Variants in ARPP19 observed in about 807,000 individuals in gnomAD.
ARPP19 encodes the protein cAMP-regulated phosphoprotein 19.
In ARPP19, 8 loss-of-function variants were observed where a neutral mutation model predicts 12.0. That is an observed-to-expected ratio of 0.67 (90% confidence interval 0.39 to 1.21). The LOEUF (loss-of-function observed/expected upper bound fraction) is 1.21, where lower values mean the gene tolerates loss of function less well. ARPP19 is among the 50% of genes most tolerant of loss of function. The pLI, the probability that ARPP19 is intolerant of heterozygous loss-of-function variation, is 0.01. For missense variants in ARPP19, 102 were observed against 136.3 expected, an observed-to-expected ratio of 0.75 and a Z score of 1.25; for synonymous variants, 47 against 50.4, an observed-to-expected ratio of 0.93 and a Z score of 0.29.
In ARPP19 at chr15:52,568,958, C is replaced by T; in HGVS notation, c.-66G>A. On this transcript the variant is annotated 5_prime_UTR_variant, in exon 1 of 3. Transcript: ENST00000249822. ...TTAGCGGGTGGCCGAGGCCACCCGG[C>T]CGCCGCCCGTCCCAGCTCTCCCAGG... The T allele has an allele frequency of 5.1e-6, 6 of 1,186,684 alleles. No homozygotes were observed. The highest frequency in any genetic ancestry group is 2.4e-5 in the Admixed American group (1 of 41,624). The allele number at this position is 1,186,684 out of a possible 1,614,324, so 73.5% of individuals were successfully genotyped here. A position where few individuals can be genotyped will look rare whatever the true frequency, so the allele number is the denominator to read the frequency against.
intron 1 of ARPP19, among the ~76,000 whole-genome samples, chr15:52,566,027 G>A (rs2078078588): frequency 6.6e-6 from 1 of 152,002 alleles, no homozygotes; most frequent in South Asian, 2.1e-4. Context: ...GATAATTTTT[G>A]TATTTTTTAG....
In ARPP19 at chr15:52,551,712, T is replaced by TA; in HGVS notation, c.*221dup. The TA allele has an allele frequency of 2.1e-6, 1 of 471,144 alleles. No individual in the cohort carries two copies. The highest frequency in any genetic ancestry group is 3.7e-6 in the Non-Finnish European group (1 of 266,842). 29.2% of individuals were successfully genotyped at this position (471,144 alleles called of 1,614,324 possible). On this transcript the variant is annotated 3_prime_UTR_variant, in exon 3 of 3. Coordinates refer to ENST00000249822, the MANE Select transcript of ARPP19 (RefSeq NM_006628.6). ...GGTAATATATACAACTATTTTCAAG[T>TA]AGTTTACTTATGTTGCTCTAACATG...
At position 52,550,930 on chromosome 15, in the gene ARPP19, C is replaced by A. The variant is rs2077924353; in HGVS notation, c.*1004G>T. The A allele has an allele frequency of 6.6e-6, 1 of 152,616 alleles. No individual in the cohort carries two copies. Among genetic ancestry groups the A allele is most frequent in the Admixed American group, 6.5e-5 (1 of 15,282 alleles). The allele number at this position is 152,616 out of a possible 1,614,324, so 9.5% of individuals were successfully genotyped here. Reference sequence around the variant, plus strand: ...TCAAAATGAAAGGTTCTGCATAGGACAAAAGATATGCCTAAGCAACATATC... The same window carrying A: ...TCAAAATGAAAGGTTCTGCATAGGAAAAAAGATATGCCTAAGCAACATATC... On this transcript the variant is annotated 3_prime_UTR_variant, in exon 3 of 3. Coordinates refer to ENST00000249822, the MANE Select transcript of ARPP19 (RefSeq NM_006628.6).
At chr15:52,558,435 C>T (rs2078001621) in intron 1 of ARPP19, among the ~76,000 whole-genome samples, 1 of 149,406 alleles carries the variant, frequency 6.7e-6, no homozygotes, top group Non-Finnish European at 1.5e-5. Flanking sequence ...GGGTGCATAC[C>T]CAGGTCTAGC....
At chr15:52,556,654 G>A (rs1010365005) in intron 2 of ARPP19, among the ~76,000 whole-genome samples, 24 of 152,098 alleles carry the variant, frequency 1.6e-4, no homozygotes, top group African/African-American at 5.1e-4. Context: ...AAAAAATATG[G>A]AAGTTTCAAA....
intron 1 of ARPP19, among the ~76,000 whole-genome samples, chr15:52,565,603 T>G (rs1473642406): frequency 6.6e-6 from 1 of 152,202 alleles, no homozygotes; most frequent in Non-Finnish European, 1.5e-5. Flanking sequence ...GAGAAAAGAA[T>G]GGAGCTGAAC....
At chr15:52,562,121 T>G (rs921745587) in intron 1 of ARPP19, among the ~76,000 whole-genome samples, 1 of 151,990 alleles carries the variant, frequency 6.6e-6, no homozygotes, top group Non-Finnish European at 1.5e-5. Context: ...GACAGAACTA[T>G]AGGGAGCAAC....
intron 1 of ARPP19, chr15:52,557,781 T>C (rs1482409935): frequency 1.3e-5 from 2 of 152,114 alleles, no homozygotes; most frequent in African/African-American, 4.8e-5. Flanking sequence ...GGTCTTGCTA[T>C]ATTGCCTAGG....
At position 52,547,422 on chromosome 15, in the gene ARPP19, T is replaced by C. The variant is rs538800379; in HGVS notation, c.*4512A>G. 19 of 152,330 alleles carry C rather than the reference T, an allele frequency of 1.2e-4. No homozygotes were observed. The highest frequency in any genetic ancestry group is 4.1e-4 in the African/African-American group (17 of 41,566). The allele number at this position is 152,330 out of a possible 1,614,324, so 9.4% of individuals were successfully genotyped here. ...TTTCAGTACAGGCGAAGTGTTCTAT[T>C]GCATCACAAGTGCTAGTGATGCAGT... On this transcript the variant is annotated 3_prime_UTR_variant, in exon 3 of 3. Transcript: ENST00000249822.
rs2077923763 is a variant in ARPP19 at position 52,550,867 on chromosome 15, G to C, written c.*1067C>G. On this transcript the variant is annotated 3_prime_UTR_variant, in exon 3 of 3. Coordinates refer to ENST00000249822, the MANE Select transcript of ARPP19 (RefSeq NM_006628.6). Reference sequence around the variant, plus strand: ...AGTAAAAAGTTTCTACATTTAAAAAGTTTATATAAATTACATGAATTGCAA... The same window carrying C: ...AGTAAAAAGTTTCTACATTTAAAAACTTTATATAAATTACATGAATTGCAA... The C allele has an allele frequency of 6.6e-6, 1 of 152,616 alleles. No individual in the cohort carries two copies. The highest frequency in any genetic ancestry group is 6.5e-5 in the Admixed American group (1 of 15,272). 9.5% of individuals were successfully genotyped at this position (152,616 alleles called of 1,614,324 possible). A position where few individuals can be genotyped will look rare whatever the true frequency, so the allele number is the denominator to read the frequency against.
upstream of ARPP19, chr15:52,569,226 G>A (rs917506050): frequency 4.2e-5 from 15 of 355,616 alleles, no homozygotes; most frequent in Admixed American, 5.6e-4. Context: ...TGCTTCCTGG[G>A]AATTGTAGTT....
At chr15:52,569,088 G>C (rs1033243071), upstream of ARPP19, 4 of 561,130 alleles carry the variant, frequency 7.1e-6, no homozygotes, top group African/African-American at 8.1e-5. Flanking sequence ...GAGCCCGCCT[G>C]CCCCTCCCGC....
At chr15:52,554,175 T>C (rs548886283) in intron 2 of ARPP19, among the ~76,000 whole-genome samples, 108 of 152,250 alleles carry the variant, frequency 7.1e-4, no homozygotes, top group African/African-American at 2.5e-3. Flanking sequence ...AGGCAGATTT[T>C]CCCCCTATGT....
At chr15:52,561,415 TAAC>T (rs770058092) in intron 1 of ARPP19, among the ~76,000 whole-genome samples, 26 of 152,328 alleles carry the variant, frequency 1.7e-4, no homozygotes, top group Non-Finnish European at 2.8e-4. Flanking sequence ...CATATACTGA[TAAC>T]AAGTCAATAT....
In ARPP19 at chr15:52,549,301, CAA is replaced by C. The variant is rs1007713585; in HGVS notation, c.*2631_*2632del. The stretch of plus-strand genomic sequence containing the variant: ...AAGCTCACTAGTCAAAATCTTGATT[CAA>C]GTGATGATCCAATAGCTTACAAATG... On this transcript the variant is annotated 3_prime_UTR_variant, in exon 3 of 3. Coordinates refer to ENST00000249822, the MANE Select transcript of ARPP19 (RefSeq NM_006628.6). 1 of 152,032 alleles carries C rather than the reference CAA, an allele frequency of 6.6e-6. No individual in the cohort carries two copies. Among genetic ancestry groups the C allele is most frequent in the Non-Finnish European group, 1.5e-5 (1 of 67,956 alleles). The allele number at this position is 152,032 out of a possible 1,614,324, so 9.4% of individuals were successfully genotyped here.
At chr15:52,569,039 G>A (rs980906894), upstream of ARPP19, 1 of 618,610 alleles carries the variant, frequency 1.6e-6, no homozygotes, top group Non-Finnish European at 2.8e-6. Flanking sequence ...ACGACACGGA[G>A]CCGCGAAACG....
intron 1 of ARPP19, among the ~76,000 whole-genome samples, chr15:52,567,093 G>A (rs1015424798): frequency 1.3e-5 from 2 of 152,178 alleles, no homozygotes; most frequent in African/African-American, 4.8e-5. Flanking sequence ...TGGCCCACAG[G>A]AACACAGAAG....
At position 52,548,767 on chromosome 15, in the gene ARPP19, C is replaced by A. The variant is rs189986390; in HGVS notation, c.*3167G>T. 1.3e-5 allele frequency: 2 copies of A among 152,682 alleles called. No individual in the cohort carries two copies. Among genetic ancestry groups the A allele is most frequent in the Admixed American group, 1.3e-4 (2 of 15,302 alleles). The allele number at this position is 152,682 out of a possible 1,614,324, so 9.5% of individuals were successfully genotyped here. ...GGGAGACTACTGTATTACATTTCAG[C>A]TTCCATAAAACTTTACTAATTTGGA... On this transcript the variant is annotated 3_prime_UTR_variant, in exon 3 of 3. Coordinates refer to ENST00000249822, the MANE Select transcript of ARPP19 (RefSeq NM_006628.6).
rs145452570 is a variant in ARPP19 at position 52,565,353 on chromosome 15, C to T, written c.45+3495G>A. On this transcript the variant is annotated intron_variant, in intron 1 of 2. Transcript: ENST00000249822. The stretch of plus-strand genomic sequence containing the variant: ...ATTATCTGTTTTAAGTTTCCACTTG[C>T]CTCTTCTCCCCTCCAGGACTAGTAC... Among the ~76,000 whole-genome samples the T allele has an allele frequency of 3.7e-3, 571 of 152,300 alleles. 3 individuals are homozygous for T. Among genetic ancestry groups the T allele is most frequent in the African/African-American group, 0.013 (536 of 41,540 alleles).
Sources: gnomAD v4.1 joint callset for allele counts (sites outside exome capture counted in the v4.1 genomes callset) on GRCh38, gnomAD v4.1.1 for gene constraint, MANE v1.5 for transcripts, NCBI Gene and HGNC (gene_info 2026-07-23, HGNC 2026-07-21) for gene names.